Variants in GALNT10 observed in about 807,000 individuals in gnomAD.
GALNT10 encodes GalNAc transferase 10.
Under a neutral mutation model 75.0 loss-of-function variants are expected in GALNT10, and 41 were observed. That is an observed-to-expected ratio of 0.55 (90% CI 0.43 to 0.71). The LOEUF (loss-of-function observed/expected upper bound fraction) is 0.71, where lower values mean the gene tolerates loss of function less well. Ranked by LOEUF, GALNT10 falls within the 30% of genes least tolerant of loss-of-function variation. The probability of loss-of-function intolerance (pLI) is 0.00; values close to 1 mark genes in which losing one functional copy is unlikely to be tolerated. For synonymous variants in GALNT10, 302 were observed against 313.0 expected, an observed-to-expected ratio of 0.96 and a Z score of 0.37; for missense variants, 727 against 818.5, an observed-to-expected ratio of 0.89 and a Z score of 1.36.
chr5:154,328,851 A>C (rs1754799087), intron 3 of GALNT10, among the ~76,000 whole-genome samples: 1 of 152,232 alleles, frequency 6.6e-6, no homozygotes, highest in African/African-American at 2.4e-5. Context: ...GAACAGCCAG[A>C]TGAAGAGCTG....
Position 154,412,726 on chromosome 5 carries a change from G to A in GALNT10, c.1387-163G>A. On this transcript the variant is annotated intron_variant, in intron 9 of 11. Transcript: ENST00000297107. This position sits in a 1 kb window ranked among gnomAD's most constrained non-coding sequence, Gnocchi z 4.2. The stretch of plus-strand genomic sequence containing the variant: ...TGTGGACTGAGTCTTCCTTCATTGA[G>A]AGGCTCAAGGTACTTCCAACAGCCC... The A allele has an allele frequency of 1.5e-6, 1 of 659,534 alleles. No homozygotes were observed. The allele number at this position is 659,534 out of a possible 1,614,324, so 40.9% of individuals were successfully genotyped here.
At chr5:154,264,970 A>G (rs1373185771) in intron 1 of GALNT10, among the ~76,000 whole-genome samples, 1 of 152,222 alleles carries the variant, frequency 6.6e-6, no homozygotes, top group Non-Finnish European at 1.5e-5. Context: ...AACACCAGTC[A>G]GAGCTCCCTT....
intron 4 of GALNT10, among the ~76,000 whole-genome samples, chr5:154,345,032 G>A (rs1489546338): frequency 7.9e-5 from 12 of 152,170 alleles, no homozygotes; most frequent in South Asian, 2.1e-4. Context: ...AACTGTCCAC[G>A]TGCTCAGAAG....
intron 4 of GALNT10, among the ~76,000 whole-genome samples, chr5:154,358,706 G>T (rs1336522884): frequency 1.3e-5 from 2 of 151,924 alleles, no homozygotes; most frequent in Non-Finnish European, 2.9e-5. Flanking sequence ...GCCACCTTCA[G>T]TACAAACATC....
At chr5:154,294,175 T>C (rs908799339) in intron 1 of GALNT10, among the ~76,000 whole-genome samples, 2 of 152,126 alleles carry the variant, frequency 1.3e-5, no homozygotes, top group African/African-American at 4.8e-5. Flanking sequence ...CCCCTATCAC[T>C]ACAATAAATA....
intron 3 of GALNT10, among the ~76,000 whole-genome samples, chr5:154,321,254 A>G (rs1263057251): frequency 2.0e-5 from 3 of 151,768 alleles, no homozygotes; most frequent in Non-Finnish European, 4.4e-5. Context: ...ATGGCATACA[A>G]AGAGACTTTG....
intron 1 of GALNT10, among the ~76,000 whole-genome samples, chr5:154,224,398 T>C (rs1753029278): frequency 6.6e-6 from 1 of 152,250 alleles, no homozygotes. Flanking sequence ...TGACCCAGTC[T>C]CTTGCTTCCT....
At chr5:154,347,977 T>C (rs1177908564) in intron 4 of GALNT10, among the ~76,000 whole-genome samples, 1 of 152,202 alleles carries the variant, frequency 6.6e-6, no homozygotes, top group African/African-American at 2.4e-5. Flanking sequence ...GTTTATTATC[T>C]GCTGGAAGGC....
chr5:154,192,795 T>C (rs1774879413), intron 1 of GALNT10, among the ~76,000 whole-genome samples: 1 of 152,128 alleles, frequency 6.6e-6, no homozygotes, highest in Non-Finnish European at 1.5e-5. Context: ...CTGTAGCCCA[T>C]TCTAAAATAG....
At chr5:154,329,080 C>A (rs1754802134) in intron 3 of GALNT10, among the ~76,000 whole-genome samples, 1 of 152,026 alleles carries the variant, frequency 6.6e-6, no homozygotes, top group South Asian at 2.1e-4. Context: ...ACAAAAGATG[C>A]CTCTGTCACC....
intron 1 of GALNT10, among the ~76,000 whole-genome samples, chr5:154,245,389 G>A (rs1479629959): frequency 4.6e-5 from 7 of 152,180 alleles, no homozygotes; most frequent in Admixed American, 4.6e-4. Flanking sequence ...CACCTGACAT[G>A]GGTGATCTCA....
At chr5:154,258,784 G>A (rs1415459389) in intron 1 of GALNT10, among the ~76,000 whole-genome samples, 1 of 152,068 alleles carries the variant, frequency 6.6e-6, no homozygotes, top group Admixed American at 6.6e-5. Flanking sequence ...TGATCATGAG[G>A]TTGAATTGCT....
At chr5:154,206,699 C>G (rs1442129718) in intron 1 of GALNT10, among the ~76,000 whole-genome samples, 1 of 152,200 alleles carries the variant, frequency 6.6e-6, no homozygotes, top group African/African-American at 2.4e-5. Context: ...TCAAGAACAG[C>G]AAAAGGCAGA....
chr5:154,247,544 T>C (rs1218996969), intron 1 of GALNT10, among the ~76,000 whole-genome samples: 20 of 152,218 alleles, frequency 1.3e-4, no homozygotes, highest in Admixed American at 1.3e-3. Flanking sequence ...TAAGTTGGAT[T>C]CCTAGGTATT....
chr5:154,313,647 G>A (rs920824462), intron 3 of GALNT10, among the ~76,000 whole-genome samples: 1 of 152,176 alleles, frequency 6.6e-6, no homozygotes, highest in African/African-American at 2.4e-5. Context: ...GTCAGCCTTG[G>A]CACACGTTGT....
intron 7 of GALNT10, among the ~76,000 whole-genome samples, chr5:154,398,507 T>G (rs1756091906): frequency 6.6e-6 from 1 of 152,162 alleles, no homozygotes; most frequent in South Asian, 2.1e-4. Context: ...ACAGGGACCC[T>G]GCCCCACCCC....
chr5:154,190,832 G>T lies in GALNT10; in HGVS notation c.-35G>T. 8.9e-7 allele frequency: 1 copy of T among 1,122,750 alleles called. No individual in the cohort carries two copies. The highest frequency in any genetic ancestry group is 5.0e-5 in the Admixed American group (1 of 20,192). 69.5% of individuals were successfully genotyped at this position (1,122,750 alleles called of 1,614,324 possible). A position where few individuals can be genotyped will look rare whatever the true frequency, so the allele number is the denominator to read the frequency against. On this transcript the variant is annotated 5_prime_UTR_variant, in exon 1 of 12. Coordinates refer to ENST00000297107, the MANE Select transcript of GALNT10 (RefSeq NM_198321.4). ...GCGCGGAGCTGGGGGCGGCGCGGCG[G>T]GGCCGGCGGGGCGCGGCGGGGCTGA... is the stretch of plus-strand genomic sequence containing the variant.
intron 3 of GALNT10, among the ~76,000 whole-genome samples, chr5:154,322,490 G>A (rs906456085): frequency 6.6e-6 from 1 of 151,932 alleles, no homozygotes; most frequent in Non-Finnish European, 1.5e-5. Context: ...CCCATCTCCA[G>A]GTCCTTAACC....
chr5:154,410,458 A>G (rs1043878249), intron 9 of GALNT10, among the ~76,000 whole-genome samples: 6 of 152,048 alleles, frequency 3.9e-5, no homozygotes, highest in Non-Finnish European at 7.4e-5. Context: ...AGGCTGAGGC[A>G]GGAGAACTGC....
Sources: gnomAD v4.1 joint callset for allele counts (sites outside exome capture counted in the v4.1 genomes callset) on GRCh38, gnomAD v4.1.1 for gene constraint, Gnocchi (gnomAD v3.1) non-coding constraint, MANE v1.5 for transcripts, NCBI Gene and HGNC (gene_info 2026-07-23, HGNC 2026-07-21) for gene names.